ATXN7L1: variants seen among roughly 807,000 people sequenced by gnomAD.
ATXN7L1 encodes ataxin 7 like 1.
Under a neutral mutation model 70.8 loss-of-function variants are expected in ATXN7L1, and 15 were observed. That is an observed-to-expected ratio of 0.21 (90% CI 0.14 to 0.33). The LOEUF (loss-of-function observed/expected upper bound fraction) is 0.33, where lower values mean the gene tolerates loss of function less well. Among genes scored for constraint, ATXN7L1 ranks in the 10% least tolerant of loss-of-function variants. ATXN7L1 has a pLI of 1.00. For synonymous variants in ATXN7L1, 440 were observed against 445.1 expected (o/e 0.99, Z 0.14); for missense variants, 975 against 1,097.1 (o/e 0.89, Z 1.57).
At chr7:105,631,987 C>T (rs1473227217) in intron 7 of ATXN7L1, among the ~76,000 whole-genome samples, 2 of 152,140 alleles carry the variant, frequency 1.3e-5, no homozygotes, top group South Asian at 2.1e-4. Context: ...ACTGAATGGC[C>T]CCAGAGAAGG....
intron 3 of ATXN7L1, among the ~76,000 whole-genome samples, chr7:105,683,083 G>A (rs541897015): frequency 5.9e-5 from 9 of 152,338 alleles, no homozygotes; most frequent in East Asian, 1.9e-4. Context: ...TTAAGTTAAA[G>A]TAATTAAGGC....
At chr7:105,669,216 C>T (rs756399268) in intron 3 of ATXN7L1, among the ~76,000 whole-genome samples, 3 of 152,072 alleles carry the variant, frequency 2.0e-5, no homozygotes, top group Admixed American at 6.5e-5. Flanking sequence ...TGAGTAGCTG[C>T]GATTACAGGT....
chr7:105,846,542 T>C (rs1192519623), intron 2 of ATXN7L1, among the ~76,000 whole-genome samples: 1 of 152,220 alleles, frequency 6.6e-6, no homozygotes, highest in Non-Finnish European at 1.5e-5. Context: ...TGCGGCTGCT[T>C]TAGAAAACAG....
At chr7:105,722,212 T>C (rs932135772) in intron 3 of ATXN7L1, among the ~76,000 whole-genome samples, 11 of 152,162 alleles carry the variant, frequency 7.2e-5, no homozygotes, top group African/African-American at 2.7e-4. Flanking sequence ...GCTGGGACTA[T>C]GTGTGTACAC....
In ATXN7L1 at chr7:105,837,730, G is replaced by C. The variant is rs531751417; in HGVS notation, c.250+38082C>G. Among the ~76,000 whole-genome samples the C allele has an allele frequency of 3.3e-5, 5 of 152,298 alleles. No individual in the cohort carries two copies. The East Asian group carries it at 9.7e-4, about 29-fold the overall frequency. ...GGACGGAAGGACTCCCTGGGGATCT[G>C]CTTTACTGTCTCTGTGGAGGGTGGA... On this transcript the variant is annotated intron_variant, in intron 2 of 11. Coordinates refer to ENST00000419735, the MANE Select transcript of ATXN7L1 (RefSeq NM_020725.2).
chr7:105,697,250 G>T (rs967420947), intron 3 of ATXN7L1, among the ~76,000 whole-genome samples: 1 of 152,160 alleles, frequency 6.6e-6, no homozygotes, highest in African/African-American at 2.4e-5. Flanking sequence ...GCCTGGGAGC[G>T]CTATGGGAGA....
At chr7:105,654,902 G>A (rs1372531689) in intron 4 of ATXN7L1, among the ~76,000 whole-genome samples, 1 of 147,020 alleles carries the variant, frequency 6.8e-6, no homozygotes, top group Non-Finnish European at 1.5e-5. Flanking sequence ...CACTACGCCT[G>A]GCTAATTTTT....
At chr7:105,682,168 T>A (rs1805633814) in intron 3 of ATXN7L1, among the ~76,000 whole-genome samples, 1 of 152,022 alleles carries the variant, frequency 6.6e-6, no homozygotes, top group South Asian at 2.1e-4. Context: ...GAGGTTGCAG[T>A]AAGCCGAGAT....
chr7:105,815,939 T>C (rs1406409801), intron 2 of ATXN7L1, among the ~76,000 whole-genome samples: 2 of 152,208 alleles, frequency 1.3e-5, no homozygotes, highest in Non-Finnish European at 2.9e-5. Flanking sequence ...AGCGGTCTTT[T>C]AAAGGCAATT....
chr7:105,613,425 G>A, intron 10 of ATXN7L1: 7 of 954,896 alleles, frequency 7.3e-6, no homozygotes, highest in Non-Finnish European at 8.8e-6. Flanking sequence ...TAACCTGCCT[G>A]GGCCTCAAGC....
intron 2 of ATXN7L1, among the ~76,000 whole-genome samples, chr7:105,801,631 T>G (rs1449435272): frequency 6.6e-6 from 1 of 151,668 alleles, no homozygotes; most frequent in African/African-American, 2.4e-5. Context: ...AGGGTACACC[T>G]GGCACATGGT....
chr7:105,613,800 G>T, intron 10 of ATXN7L1, 62 bp downstream of exon 10: 1 of 1,551,118 alleles, frequency 6.4e-7, no homozygotes, highest in Non-Finnish European at 8.7e-7. Context: ...GCTAAGCAGG[G>T]GCGCTGCCCA....
At chr7:105,803,365 T>G (rs970167833) in intron 2 of ATXN7L1, among the ~76,000 whole-genome samples, 2 of 152,224 alleles carry the variant, frequency 1.3e-5, no homozygotes, top group Non-Finnish European at 2.9e-5. Flanking sequence ...TGGGACCCCA[T>G]GAGTCAGTGC....
intron 3 of ATXN7L1, among the ~76,000 whole-genome samples, chr7:105,739,372 T>A (rs529552591): frequency 6.6e-6 from 1 of 152,236 alleles, no homozygotes; most frequent in Non-Finnish European, 1.5e-5. Flanking sequence ...GTGAGTTGCA[T>A]GTACCCTAAA....
At chr7:105,864,848 G>A (rs1817174964) in intron 2 of ATXN7L1, among the ~76,000 whole-genome samples, 1 of 152,014 alleles carries the variant, frequency 6.6e-6, no homozygotes, top group South Asian at 2.1e-4. Flanking sequence ...CATTGGCCAG[G>A]CTGGTCTCGA....
rs868623973 is a variant in ATXN7L1 at position 105,662,079 on chromosome 7, C to T, written c.578+2987G>A. Among the ~76,000 whole-genome samples, 330 of 73,038 alleles carry T rather than the reference C, an allele frequency of 4.5e-3. 3 individuals are homozygous for T. The highest frequency in any genetic ancestry group is 0.011 in the African/African-American group (276 of 25,292). 47.9% of individuals were successfully genotyped at this position (73,038 alleles called of 152,430 possible). On this transcript the variant is annotated intron_variant, in intron 4 of 11. Coordinates refer to ENST00000419735, the MANE Select transcript of ATXN7L1 (RefSeq NM_020725.2). ...CCTTCCTTCCTTCCTTCCTTCCTTC[C>T]TTCTTTCTTTTCTTTTCTTTTCTTT...
chr7:105,758,806 C>T lies in ATXN7L1; in HGVS notation c.355+29798G>A, dbSNP rs185313595. Among the ~76,000 whole-genome samples, 46 of 152,354 alleles carry T rather than the reference C, an allele frequency of 3.0e-4. No homozygotes were observed. The East Asian group carries it at 6.7e-3, about 22-fold the overall frequency. On this transcript the variant is annotated intron_variant, in intron 3 of 11. Transcript: ENST00000419735. ...GGCCTTAGCCTTCCTTCTTAGCAAA[C>T]GAAGTGTATCAGTTCATAGGAAACC...
intron 1 of ATXN7L1, among the ~76,000 whole-genome samples, chr7:105,876,092 C>G (rs990873623): frequency 2.0e-5 from 3 of 152,160 alleles, no homozygotes; most frequent in African/African-American, 7.2e-5. Flanking sequence ...ACTATGCAAG[C>G]AGCAACAAAG....
At chr7:105,775,647 C>A (rs376969129) in intron 3 of ATXN7L1, among the ~76,000 whole-genome samples, 1 of 152,142 alleles carries the variant, frequency 6.6e-6, no homozygotes, top group Non-Finnish European at 1.5e-5. Flanking sequence ...GTACAGTACA[C>A]GTAGTATGTG....
Sources: allele counts gnomAD v4.1 joint callset (sites outside exome capture counted in the v4.1 genomes callset), GRCh38; gene constraint gnomAD v4.1.1; transcripts MANE v1.5; gene names NCBI Gene and HGNC (gene_info 2026-07-23, HGNC 2026-07-21).